Variants in C2orf66 observed in about 807,000 individuals in gnomAD.
The protein encoded by C2orf66 is chromosome 2 open reading frame 66.
A neutral mutation model predicts 7.0 loss-of-function variants in C2orf66; 6 were observed. The observed-to-expected ratio is 0.86, with a 90% CI of 0.47 to 1.69. The LOEUF is 1.69. C2orf66 is among the 40% of genes most tolerant of loss of function. The pLI is 0.01. For synonymous variants in C2orf66, 38 were observed against 43.8 expected, an observed-to-expected ratio of 0.87 and a Z score of 0.52; for missense variants, 107 against 112.0, an observed-to-expected ratio of 0.96 and a Z score of 0.20.
chr2:196,806,814 C>T (rs1367325887), intron 2 of C2orf66, among the ~76,000 whole-genome samples: 2 of 152,132 alleles, frequency 1.3e-5, no homozygotes, highest in African/African-American at 2.4e-5. Context: ...CAAGATCACA[C>T]CATTGCACTC....
At chr2:196,829,292 T>G in the C2orf66 span, among the ~76,000 whole-genome samples, 115 of 152,244 alleles carry the variant, frequency 7.6e-4, no homozygotes, top group Non-Finnish European at 1.1e-3. Context: ...AGTTAAGTAT[T>G]TTCATCCTTA....
At chr2:196,831,175 C>T in the C2orf66 span, among the ~76,000 whole-genome samples, 1 of 152,162 alleles carries the variant, frequency 6.6e-6, no homozygotes, top group African/African-American at 2.4e-5. Context: ...GTCTCTTTGG[C>T]TCCCTCTTCC....
the C2orf66 span, among the ~76,000 whole-genome samples, chr2:196,829,855 C>T: frequency 6.6e-6 from 1 of 152,108 alleles, no homozygotes; most frequent in Non-Finnish European, 1.5e-5. Context: ...CGAGATCACG[C>T]CACTGCACTC....
At chr2:196,823,018 T>TAAAA in the C2orf66 span, among the ~76,000 whole-genome samples, 8 of 137,862 alleles carry the variant, frequency 5.8e-5, no homozygotes, top group South Asian at 2.3e-4. Context: ...AACTTCTTGT[T>TAAAA]AAAAAAAAAA....
upstream of C2orf66, chr2:196,809,466 G>C: frequency 7.6e-7 from 1 of 1,317,998 alleles, no homozygotes; most frequent in Non-Finnish European, 1.1e-6. Context: ...ATAGCATACT[G>C]GTTTATCTAA....
chr2:196,828,874 C>A, the C2orf66 span, among the ~76,000 whole-genome samples: 1 of 152,104 alleles, frequency 6.6e-6, no homozygotes, highest in Non-Finnish European at 1.5e-5. Context: ...TGACAACAAA[C>A]GGAATGAGCC....
chr2:196,815,008 A>G, the C2orf66 span, among the ~76,000 whole-genome samples: 1 of 152,136 alleles, frequency 6.6e-6, no homozygotes, highest in Non-Finnish European at 1.5e-5. Flanking sequence ...TCTGCCACCC[A>G]GGCTGGAGTG....
At chr2:196,827,298 G>GA in the C2orf66 span, among the ~76,000 whole-genome samples, 2 of 150,894 alleles carry the variant, frequency 1.3e-5, no homozygotes, top group African/African-American at 2.4e-5. Flanking sequence ...AACATTGGGG[G>GA]AAAAAACTTG....
chr2:196,810,797 G>C (rs1699867044), upstream of C2orf66, among the ~76,000 whole-genome samples: 1 of 152,146 alleles, frequency 6.6e-6, no homozygotes, highest in Non-Finnish European at 1.5e-5. Context: ...TTTACAAAGT[G>C]CCTACTATGT....
chr2:196,823,488 G>A, the C2orf66 span, among the ~76,000 whole-genome samples: 2 of 151,896 alleles, frequency 1.3e-5, no homozygotes, highest in Admixed American at 6.6e-5. Flanking sequence ...GCCAGGTGTG[G>A]GGGTGCATGC....
Position 196,805,221 on chromosome 2 carries a change from A to T in C2orf66, c.*207T>A, listed in dbSNP as rs1186921568. On this transcript the variant is annotated 3_prime_UTR_variant, in exon 3 of 3. Coordinates refer to ENST00000342506, the MANE Select transcript of C2orf66 (RefSeq NM_213608.3). ...ATATTTATGGTTTCATAGGAAAAAA[A>T]CTCCATAAATATGCATAGAAATCAT... 6.6e-6 allele frequency: 1 copy of T among 152,184 alleles called. No individual in the cohort carries two copies. The highest frequency in any genetic ancestry group is 1.5e-5 in the Non-Finnish European group (1 of 68,018). The allele number at this position is 152,184 out of a possible 1,614,324, so 9.4% of individuals were successfully genotyped here. A position where few individuals can be genotyped will look rare whatever the true frequency, so the allele number is the denominator to read the frequency against.
the C2orf66 span, among the ~76,000 whole-genome samples, chr2:196,819,184 A>G: frequency 6.6e-6 from 1 of 152,212 alleles, no homozygotes; most frequent in African/African-American, 2.4e-5. Context: ...CCACTGCGTC[A>G]TTTCAACCGT....
In C2orf66 at chr2:196,809,309, A is replaced by G. The variant is rs1453942392; in HGVS notation, c.28T>C (p.Cys10Arg). 6.2e-7 allele frequency: 1 copy of G among 1,614,138 alleles called. No homozygotes were observed. The highest frequency in any genetic ancestry group is 8.5e-7 in the Non-Finnish European group (1 of 1,180,002). Residue 10 changes from cysteine (C) to arginine (R), a missense_variant, in exon 1 of 3, where the codon TGT (cysteine) becomes CGT (arginine). By Grantham distance (180) the Cys-to-Arg change is radical. Coordinates refer to ENST00000342506, the MANE Select transcript of C2orf66 (RefSeq NM_213608.3). ...TGCCCAAGCAGCACCAGGGCAACAC[A>G]TAGTAGCAGGAGAGGTGCTCTGGTC... Reference protein sequence around the residue: MTRAPLLLLCVALVLLGHVN... With the variant: MTRAPLLLLRVALVLLGHVN...
At chr2:196,817,477 T>C in the C2orf66 span, among the ~76,000 whole-genome samples, 1 of 152,046 alleles carries the variant, frequency 6.6e-6, no homozygotes, top group Non-Finnish European at 1.5e-5. Flanking sequence ...CCTTGTGATC[T>C]GCCCACCTTG....
chr2:196,825,010 GATCA>G, the C2orf66 span, among the ~76,000 whole-genome samples: 2 of 152,116 alleles, frequency 1.3e-5, no homozygotes, highest in Non-Finnish European at 2.9e-5. Context: ...GAGGAGGGCG[GATCA>G]CCTGAGGTCA....
At chr2:196,821,591 T>C in the C2orf66 span, among the ~76,000 whole-genome samples, 4 of 152,184 alleles carry the variant, frequency 2.6e-5, no homozygotes, top group Admixed American at 6.5e-5. Flanking sequence ...CAAACTATAA[T>C]TGAATATCTT....
chr2:196,825,008 C>T, the C2orf66 span, among the ~76,000 whole-genome samples: 168 of 152,094 alleles, frequency 1.1e-3, no homozygotes, highest in East Asian at 0.019. Context: ...CTGAGGAGGG[C>T]GGATCACCTG....
the C2orf66 span, among the ~76,000 whole-genome samples, chr2:196,814,856 C>T: frequency 4.6e-5 from 7 of 152,008 alleles, no homozygotes; most frequent in Non-Finnish European, 4.4e-5. Context: ...TCAAAGGAAC[C>T]GATGGACCAA....
intron 2 of C2orf66, among the ~76,000 whole-genome samples, chr2:196,806,517 A>T (rs1245490000): frequency 6.6e-6 from 1 of 150,646 alleles, no homozygotes; most frequent in East Asian, 2.0e-4. Flanking sequence ...GTTCTTTTTA[A>T]ATGGTAGGTG....
Sources: allele counts gnomAD v4.1 joint callset (sites outside exome capture counted in the v4.1 genomes callset), GRCh38; gene constraint gnomAD v4.1.1; transcripts MANE v1.5; gene names NCBI Gene and HGNC (gene_info 2026-07-23, HGNC 2026-07-21).